DDAH1: variants seen among roughly 807,000 people sequenced by gnomAD.
DDAH1 encodes the protein N(G),N(G)-dimethylarginine dimethylaminohydrolase 1.
A neutral mutation model predicts 28.8 loss-of-function variants in DDAH1; 19 were observed. The ratio of observed to expected loss-of-function variants is 0.66; its 90% CI spans 0.46 to 0.97. The LOEUF (loss-of-function observed/expected upper bound fraction) is 0.97, where lower values mean the gene tolerates loss of function less well. Ranked by LOEUF, DDAH1 falls within the 50% of genes least tolerant of loss-of-function variation. The probability of loss-of-function intolerance (pLI) is 0.00; values close to 1 mark genes in which losing one functional copy is unlikely to be tolerated. For missense variants in DDAH1, 326 were observed against 375.9 expected, an observed-to-expected ratio of 0.87 and a Z score of 1.10; for synonymous variants, 153 against 154.4, an observed-to-expected ratio of 0.99 and a Z score of 0.07.
intron 1 of DDAH1, among the ~76,000 whole-genome samples, chr1:85,542,186 C>T (rs1262665889): frequency 6.6e-6 from 1 of 152,156 alleles, no homozygotes; most frequent in African/African-American, 2.4e-5. Context: ...AGGGCCTGAA[C>T]ACTGTCTATA....
intron 1 of DDAH1, among the ~76,000 whole-genome samples, chr1:85,542,620 C>A (rs910426345): frequency 6.6e-6 from 1 of 152,186 alleles, no homozygotes; most frequent in Non-Finnish European, 1.5e-5. Context: ...TCTATTCAGA[C>A]CCTTAACCTA....
intron 1 of DDAH1, among the ~76,000 whole-genome samples, chr1:85,382,664 A>C (rs1651052792): frequency 6.6e-6 from 1 of 152,216 alleles, no homozygotes; most frequent in Non-Finnish European, 1.5e-5. Flanking sequence ...TCTAGCTGTT[A>C]AGGAGAAGTT....
chr1:85,324,878 C>A lies in DDAH1; in HGVS notation c.603G>T (p.Met201Ile), dbSNP rs1647274496. 1 of 1,613,750 alleles carries A rather than the reference C, an allele frequency of 6.2e-7. No homozygotes were observed. The part of the protein sequence containing the change: ...SESAQKALKI[M>I]QQMSDHRYDK... Reference sequence around the variant, plus strand: ...CGTAGCGGTGGTCACTCATCTGTTGCATGATCTATAAAGAGAAACAAAGCA... The same window carrying A: ...CGTAGCGGTGGTCACTCATCTGTTGAATGATCTATAAAGAGAAACAAAGCA... Residue 201 changes from methionine to isoleucine, a missense_variant, in exon 5 of 6, where the codon ATG (methionine) becomes ATT (isoleucine). Coordinates refer to ENST00000284031, the MANE Select transcript of DDAH1 (RefSeq NM_012137.4).
At chr1:85,543,053 T>A (rs1171798731) in intron 1 of DDAH1, among the ~76,000 whole-genome samples, 1 of 152,172 alleles carries the variant, frequency 6.6e-6, no homozygotes, top group African/African-American at 2.4e-5. Flanking sequence ...CTTTTAATGA[T>A]TCTACTATAC....
At chr1:85,341,187 G>C (rs1648454024) in intron 4 of DDAH1, among the ~76,000 whole-genome samples, 1 of 152,174 alleles carries the variant, frequency 6.6e-6, no homozygotes, top group Admixed American at 6.5e-5. Context: ...ATCATGCAGA[G>C]ATCATTTCTC....
chr1:85,362,391 C>T (rs1036952667), intron 1 of DDAH1, among the ~76,000 whole-genome samples: 1 of 152,118 alleles, frequency 6.6e-6, no homozygotes, highest in East Asian at 1.9e-4. Context: ...GAGAATATTA[C>T]CACTCTAAGG....
intron 1 of DDAH1, among the ~76,000 whole-genome samples, chr1:85,435,854 A>C (rs896680187): frequency 6.6e-6 from 1 of 152,118 alleles, no homozygotes; most frequent in African/African-American, 2.4e-5. Flanking sequence ...ACAGTGGCAC[A>C]ATCTCATCTC....
At chr1:85,346,426 G>A (rs187881926) in intron 4 of DDAH1, among the ~76,000 whole-genome samples, 6 of 152,308 alleles carry the variant, frequency 3.9e-5, no homozygotes, top group Middle Eastern at 3.4e-3. Flanking sequence ...GAAAGACACG[G>A]AAGGAGCAGA....
Position 85,319,990 on chromosome 1 carries a change from A to C in DDAH1, c.*1462T>G, listed in dbSNP as rs906794029. ...AGCAAGATTTGAAGTGATACTTCTT[A>C]ATCTCTTTGATTCTTAATCTTAAAC... is the stretch of plus-strand genomic sequence containing the variant. On this transcript the variant is annotated 3_prime_UTR_variant, in exon 6 of 6. Transcript: ENST00000284031. The C allele has an allele frequency of 4.6e-5, 7 of 152,224 alleles. No individual in the cohort carries two copies. The highest frequency in any genetic ancestry group is 1.3e-4 in the Admixed American group (2 of 15,282). The allele number at this position is 152,224 out of a possible 1,614,324, so 9.4% of individuals were successfully genotyped here. A position where few individuals can be genotyped will look rare whatever the true frequency, so the allele number is the denominator to read the frequency against.
intron 1 of DDAH1, among the ~76,000 whole-genome samples, chr1:85,532,341 C>T (rs1301963114): frequency 1.1e-4 from 16 of 150,838 alleles, no homozygotes; most frequent in African/African-American, 2.4e-4. Context: ...TAAAGAAAAA[C>T]AATCTTTTGT....
chr1:85,419,177 C>T (rs963688360), intron 1 of DDAH1, among the ~76,000 whole-genome samples: 1 of 151,996 alleles, frequency 6.6e-6, no homozygotes, highest in African/African-American at 2.4e-5. Context: ...CCAGGAGATA[C>T]CATTATATGA....
At chr1:85,476,461 T>G (rs1437305122) in intron 2 of DDAH1, among the ~76,000 whole-genome samples, 1 of 152,158 alleles carries the variant, frequency 6.6e-6, no homozygotes. Flanking sequence ...ACATCTCTAG[T>G]GCCTCAGTGT....
chr1:85,339,672 G>A (rs233068), intron 4 of DDAH1, among the ~76,000 whole-genome samples: 56,067 of 151,886 alleles, frequency 0.37, 10,455 homozygotes, highest in South Asian at 0.42. Flanking sequence ...AGTTTTCCCC[G>A]GAGGCTGCAG....
intron 1 of DDAH1, chr1:85,379,841 G>T: frequency 2.8e-6 from 1 of 363,064 alleles, no homozygotes; most frequent in Non-Finnish European, 3.8e-6. Context: ...TCTTTTCCAC[G>T]TTTCTACCAC....
At chr1:85,484,637 G>C (rs17127802) in intron 2 of DDAH1, among the ~76,000 whole-genome samples, 33,531 of 152,128 alleles carry the variant, frequency 0.22, 4,388 homozygotes, top group East Asian at 0.45. Flanking sequence ...ATAGAAAAAG[G>C]AATTTCTCCA....
chr1:85,503,698 A>T (rs1656907886), intron 1 of DDAH1, among the ~76,000 whole-genome samples: 1 of 152,118 alleles, frequency 6.6e-6, no homozygotes, highest in African/African-American at 2.4e-5. Context: ...ACACAAACTA[A>T]CATCACCTAC....
intron 1 of DDAH1, among the ~76,000 whole-genome samples, chr1:85,412,519 A>G (rs1557598780): frequency 1.3e-5 from 2 of 152,014 alleles, no homozygotes; most frequent in Non-Finnish European, 2.9e-5. Context: ...CTTCTTTACT[A>G]CCAATCGGTG....
intron 1 of DDAH1, among the ~76,000 whole-genome samples, chr1:85,361,993 G>A (rs1269210503): frequency 6.6e-6 from 1 of 152,190 alleles, no homozygotes; most frequent in Non-Finnish European, 1.5e-5. Context: ...CACAGTGACA[G>A]ATACTTGTAC....
At chr1:85,444,798 C>T (rs116311215) in intron 1 of DDAH1, among the ~76,000 whole-genome samples, 404 of 152,212 alleles carry the variant, frequency 2.7e-3, no homozygotes, top group African/African-American at 6.6e-3. Flanking sequence ...CAATATGGAG[C>T]GCTATGTGCT....
Sources: gnomAD v4.1 joint callset for allele counts (sites outside exome capture counted in the v4.1 genomes callset) on GRCh38, gnomAD v4.1.1 for gene constraint, MANE v1.5 for transcripts, NCBI Gene and HGNC (gene_info 2026-07-23, HGNC 2026-07-21) for gene names.